Variants in AUTS2 observed in about 807,000 individuals in gnomAD.
The protein encoded by AUTS2 is activator of transcription and developmental regulator AUTS2.
In AUTS2, 17 loss-of-function variants were observed where a neutral mutation model predicts 112.4. The observed-to-expected ratio is 0.15, with a 90% CI of 0.10 to 0.23. The LOEUF (loss-of-function observed/expected upper bound fraction) is 0.23, where lower values mean the gene tolerates loss of function less well. Among genes scored for constraint, AUTS2 ranks in the 10% least tolerant of loss-of-function variants. AUTS2 has a pLI of 1.00. For missense variants in AUTS2, 1,510 were observed against 1,701.6 expected (o/e 0.89, Z 1.98); for synonymous variants, 751 against 702.7 (o/e 1.07, Z -1.09).
intron 2 of AUTS2, among the ~76,000 whole-genome samples, chr7:69,959,115 AAC>A (rs1481405612): frequency 2.6e-5 from 4 of 152,172 alleles, no homozygotes; most frequent in Admixed American, 2.0e-4. Context: ...AGTGTGGAAG[AAC>A]AGCACCTATT....
At chr7:70,704,803 ATGT>A (rs780458880) in intron 6 of AUTS2, among the ~76,000 whole-genome samples, 2 of 152,220 alleles carry the variant, frequency 1.3e-5, no homozygotes, top group Non-Finnish European at 2.9e-5. Context: ...CTGCAGAAAA[ATGT>A]TGTTTTCTCT....
At chr7:70,564,523 G>A (rs1293572375) in intron 5 of AUTS2, among the ~76,000 whole-genome samples, 3 of 152,134 alleles carry the variant, frequency 2.0e-5, no homozygotes, top group African/African-American at 4.8e-5. Context: ...TTTTAAGGTG[G>A]TTTCATTTCA....
intron 4 of AUTS2, among the ~76,000 whole-genome samples, chr7:70,309,483 A>T (rs558305725): frequency 6.6e-6 from 1 of 152,202 alleles, no homozygotes; most frequent in Non-Finnish European, 1.5e-5. Flanking sequence ...GCCTTTTTGC[A>T]TGTACTACAG....
At chr7:69,916,200 T>A (rs1285606618) in intron 2 of AUTS2, among the ~76,000 whole-genome samples, 2 of 152,234 alleles carry the variant, frequency 1.3e-5, no homozygotes, top group East Asian at 3.8e-4. Context: ...TGTTAGGAAG[T>A]GTTACAAATG....
Position 70,631,674 on chromosome 7 carries a change from AATAC to A in AUTS2, c.691-66893_691-66890del, listed in dbSNP as rs574750849. Among the ~76,000 whole-genome samples, 49 of 152,236 alleles carry A rather than the reference AATAC, an allele frequency of 3.2e-4. No homozygotes were observed. The South Asian group carries it at 9.8e-3, about 30-fold the overall frequency. On this transcript the variant is annotated intron_variant, in intron 5 of 18. Coordinates refer to ENST00000342771, the MANE Select transcript of AUTS2 (RefSeq NM_015570.4). This position sits in a 1 kb window ranked among gnomAD's most constrained non-coding sequence, Gnocchi z 4.5. ...CTCACGAAGAAATGGGTGTGCAGAG[AATAC>A]AGTCAGCACCATTTATAGCCCCATG... is the stretch of plus-strand genomic sequence containing the variant.
In AUTS2 at chr7:70,739,003, C is replaced by CTTTTTTTTTTTTTTT. The variant is rs57525224; in HGVS notation, c.743-23847_743-23833dup. Among the ~76,000 whole-genome samples the CTTTTTTTTTTTTTTT allele has an allele frequency of 7.2e-4, 41 of 57,298 alleles. 7 individuals carry two copies. Among genetic ancestry groups the CTTTTTTTTTTTTTTT allele is most frequent in the Non-Finnish European group, 1.1e-3 (35 of 31,704 alleles). 37.6% of individuals were successfully genotyped at this position (57,298 alleles called of 152,430 possible). A position where few individuals can be genotyped will look rare whatever the true frequency, so the allele number is the denominator to read the frequency against. On this transcript the variant is annotated intron_variant, in intron 6 of 18. Transcript: ENST00000342771. ...GGTGATGTCCACGAGGTTTTGAGGC[C>CTTTTTTTTTTTTTTT]TTTTTTTTTTTTTTTTTTTTTTTTT...
At chr7:70,320,582 G>A (rs1001532359) in intron 4 of AUTS2, among the ~76,000 whole-genome samples, 5 of 152,174 alleles carry the variant, frequency 3.3e-5, no homozygotes, top group Non-Finnish European at 7.3e-5. Context: ...ACATCACTGG[G>A]GAAGACAATT....
intron 4 of AUTS2, among the ~76,000 whole-genome samples, chr7:70,162,445 CAAAAAAAAAAAAAAAAA>C (rs57688959): frequency 3.2e-4 from 18 of 56,698 alleles, no homozygotes; most frequent in South Asian, 3.1e-3. Context: ...GACTCCGTCT[CAAAAAAAAAAAAAAAAA>C]AAAAAAAAAA....
At chr7:69,703,150 C>G (rs567350895) in intron 1 of AUTS2, among the ~76,000 whole-genome samples, 5 of 152,208 alleles carry the variant, frequency 3.3e-5, no homozygotes, top group Non-Finnish European at 7.4e-5. Context: ...TGGACGTTTT[C>G]ATAGGTGTGT....
chr7:70,235,597 A>T (rs148437630), intron 4 of AUTS2, among the ~76,000 whole-genome samples: 1 of 152,108 alleles, frequency 6.6e-6, no homozygotes, highest in African/African-American at 2.4e-5. Flanking sequence ...GCTTCTCTTG[A>T]TAGATATGAA....
intron 5 of AUTS2, among the ~76,000 whole-genome samples, chr7:70,496,498 G>A (rs866870592): frequency 2.6e-4 from 24 of 91,558 alleles, no homozygotes; most frequent in South Asian, 3.9e-4. Context: ...ACATGCACAC[G>A]TCACATCAGC....
chr7:70,308,979 A>T (rs1221642892), intron 4 of AUTS2, among the ~76,000 whole-genome samples: 2 of 152,208 alleles, frequency 1.3e-5, no homozygotes, highest in African/African-American at 4.8e-5. Flanking sequence ...AAAAAGACTA[A>T]CCAGGTGAGC....
intron 4 of AUTS2, among the ~76,000 whole-genome samples, chr7:70,364,274 A>G (rs1792449796): frequency 6.6e-6 from 1 of 152,114 alleles, no homozygotes. Context: ...CTTAAAAAAA[A>G]AAAATTAGGC....
intron 5 of AUTS2, among the ~76,000 whole-genome samples, chr7:70,635,354 G>A (rs1258050620): frequency 6.6e-6 from 1 of 152,176 alleles, no homozygotes; most frequent in Non-Finnish European, 1.5e-5. Flanking sequence ...GGCAGAGAGG[G>A]CTTTATAGCA....
At chr7:70,261,274 C>G (rs1787156636) in intron 4 of AUTS2, among the ~76,000 whole-genome samples, 1 of 152,132 alleles carries the variant, frequency 6.6e-6, no homozygotes, top group African/African-American at 2.4e-5. Context: ...CTAGAACCAA[C>G]AAAACTTATC....
intron 5 of AUTS2, among the ~76,000 whole-genome samples, chr7:70,566,308 T>G (rs988172341): frequency 6.6e-6 from 1 of 152,210 alleles, no homozygotes; most frequent in African/African-American, 2.4e-5. Context: ...TCAATTTCTA[T>G]GAAGATGGGA....
At chr7:69,888,720 T>G (rs1393534825) in intron 1 of AUTS2, among the ~76,000 whole-genome samples, 1 of 151,700 alleles carries the variant, frequency 6.6e-6, no homozygotes, top group East Asian at 1.9e-4. Context: ...TAGCTGGGAC[T>G]ACACCTCCAC....
chr7:70,547,995 C>G (rs1337466843), intron 5 of AUTS2, among the ~76,000 whole-genome samples: 3 of 152,194 alleles, frequency 2.0e-5, no homozygotes, highest in African/African-American at 4.8e-5. Flanking sequence ...GAAGTGGTAT[C>G]TCATTATGGT....
At chr7:70,387,123 A>G (rs1322078788) in intron 4 of AUTS2, among the ~76,000 whole-genome samples, 2 of 152,120 alleles carry the variant, frequency 1.3e-5, no homozygotes, top group African/African-American at 4.8e-5. Context: ...TCCTCAAGCT[A>G]CCATTCTCTT....
Sources: gnomAD v4.1 joint callset for allele counts (sites outside exome capture counted in the v4.1 genomes callset) on GRCh38, gnomAD v4.1.1 for gene constraint, Gnocchi (gnomAD v3.1) non-coding constraint, MANE v1.5 for transcripts, NCBI Gene and HGNC (gene_info 2026-07-23, HGNC 2026-07-21) for gene names.